Variants in PIGU observed in about 807,000 individuals in gnomAD.
PIGU encodes phosphatidylinositol glycan anchor biosynthesis class U.
PIGU carries 24 observed loss-of-function variants against 49.9 expected under a neutral mutation model. The ratio of observed to expected loss-of-function variants is 0.48; its 90% CI spans 0.35 to 0.68. The LOEUF is 0.68. Ranked by LOEUF, PIGU falls within the 30% of genes least tolerant of loss-of-function variation. PIGU has a pLI of 0.01. For missense variants in PIGU, 490 were observed against 532.6 expected (o/e 0.92, Z 0.79); for synonymous variants, 220 against 205.7 (o/e 1.07, Z -0.59).
intron 9 of PIGU, 58 bp downstream of exon 9, chr20:34,585,379 A>G: frequency 2.6e-6 from 4 of 1,561,090 alleles, no homozygotes; most frequent in Non-Finnish European, 3.5e-6. Flanking sequence ...AGGCTACTAG[A>G]GGCAGGGGCT....
intron 11 of PIGU, among the ~76,000 whole-genome samples, chr20:34,571,325 A>G (rs973696065): frequency 6.6e-6 from 1 of 152,154 alleles, no homozygotes; most frequent in Non-Finnish European, 1.5e-5. Flanking sequence ...TCACTGGTTT[A>G]CCTGCCGGTA....
chr20:34,573,043 C>A (rs2146697417), intron 11 of PIGU, among the ~76,000 whole-genome samples: 1 of 152,094 alleles, frequency 6.6e-6, no homozygotes, highest in East Asian at 1.9e-4. Context: ...TAGAGATGGG[C>A]TTTTGCTATG....
chr20:34,575,612 C>A (rs1197349243), intron 10 of PIGU, among the ~76,000 whole-genome samples: 1 of 152,150 alleles, frequency 6.6e-6, no homozygotes, highest in South Asian at 2.1e-4. Flanking sequence ...TCTCCCCAAG[C>A]AGGGTGCCAT....
At chr20:34,642,403 AG>A (rs1357048765) in intron 4 of PIGU, among the ~76,000 whole-genome samples, 1 of 152,010 alleles carries the variant, frequency 6.6e-6, no homozygotes, top group Non-Finnish European at 1.5e-5. Context: ...TTGTAGAGAC[AG>A]GGTCCCACTA....
intron 7 of PIGU, among the ~76,000 whole-genome samples, chr20:34,605,021 C>A (rs1386582383): frequency 3.3e-5 from 5 of 152,148 alleles, no homozygotes; most frequent in African/African-American, 1.2e-4. Context: ...TAAGCCTCGC[C>A]TGGTCTCCCT....
chr20:34,574,221 G>C (rs1462102015), intron 11 of PIGU, among the ~76,000 whole-genome samples: 4 of 152,204 alleles, frequency 2.6e-5, no homozygotes. Flanking sequence ...AGTCCACCTA[G>C]AGTTTGCTAG....
At chr20:34,561,995 G>C (rs890980244) in intron 11 of PIGU, among the ~76,000 whole-genome samples, 2 of 152,180 alleles carry the variant, frequency 1.3e-5, no homozygotes, top group African/African-American at 4.8e-5. Context: ...TCTTCGAATG[G>C]TTCTGTCACT....
In PIGU at chr20:34,645,219, T is replaced by C. The variant is rs1986300755; in HGVS notation, c.255+56A>G. The C allele has an allele frequency of 3.4e-6, 4 of 1,172,006 alleles. No homozygotes were observed. The South Asian group carries it at 6.5e-5, about 19-fold the overall frequency. 72.6% of individuals were successfully genotyped at this position (1,172,006 alleles called of 1,614,324 possible). A position where few individuals can be genotyped will look rare whatever the true frequency, so the allele number is the denominator to read the frequency against. On this transcript the variant is annotated intron_variant, in intron 3 of 11. Transcript: ENST00000217446. Reference sequence around the variant, plus strand: ...AAAAAAAAAAGAGAGAGAGAGACAATAAACCATAAAATTTAAAAATATATA... The same window carrying C: ...AAAAAAAAAAGAGAGAGAGAGACAACAAACCATAAAATTTAAAAATATATA...
At position 34,588,498 on chromosome 20, in the gene PIGU, A is replaced by G. The variant is rs112697251; in HGVS notation, c.737T>C (p.Phe246Ser). The change falls in exon 8 of 12, where the codon TTC (phenylalanine) becomes TCC (serine). Residue 246 changes from phenylalanine (F) to serine (S), a missense_variant. Physicochemically the swap from Phe to Ser is radical, Grantham distance 155. Coordinates refer to ENST00000217446, the MANE Select transcript of PIGU (RefSeq NM_080476.5). The stretch of plus-strand genomic sequence containing the variant: ...GATGAAATCCCAAGAGCTGAGAAGG[A>G]AGAAGGAGAGGCAAATGATTACCAC... ...SLVVIICLSFFLLSSWDFIPA... is the reference protein window; with the variant it reads ...SLVVIICLSFSLLSSWDFIPA... 24 of 1,613,918 alleles carry G rather than the reference A, an allele frequency of 1.5e-5. No individual in the cohort carries two copies. The African/African-American group carries it at 3.2e-4, about 22-fold the overall frequency.
intron 4 of PIGU, among the ~76,000 whole-genome samples, chr20:34,642,818 C>T (rs1174071904): frequency 3.6e-5 from 5 of 137,270 alleles, no homozygotes; most frequent in Admixed American, 1.6e-4. Flanking sequence ...AGTACAGTGG[C>T]GCGATCTTGG....
At chr20:34,586,860 T>C (rs1983715997) in intron 8 of PIGU, among the ~76,000 whole-genome samples, 2 of 152,160 alleles carry the variant, frequency 1.3e-5, no homozygotes, top group African/African-American at 2.4e-5. Context: ...AACCTCCCAG[T>C]TAGAGGCTGG....
intron 1 of PIGU, among the ~76,000 whole-genome samples, chr20:34,674,018 A>G (rs1043797540): frequency 6.6e-6 from 1 of 151,558 alleles, no homozygotes; most frequent in Non-Finnish European, 1.5e-5. Context: ...ATGCCACTAC[A>G]CTCCAGCCTG....
chr20:34,599,886 C>G (rs2146725143), intron 7 of PIGU, among the ~76,000 whole-genome samples: 1 of 152,194 alleles, frequency 6.6e-6, no homozygotes, highest in South Asian at 2.1e-4. Flanking sequence ...TGTACTGTCC[C>G]CTAGCCATAT....
chr20:34,607,596 G>A (rs1984664849), intron 7 of PIGU, among the ~76,000 whole-genome samples: 1 of 152,184 alleles, frequency 6.6e-6, no homozygotes. Flanking sequence ...CAATTCATTT[G>A]TGCAACCTGA....
At chr20:34,631,760 TA>T (rs1985758218) in intron 6 of PIGU, among the ~76,000 whole-genome samples, 2 of 5,970 alleles carry the variant, frequency 3.4e-4, no homozygotes, top group Non-Finnish European at 6.5e-4. Context: ...TATATATATA[TA>T]TATATATATA....
intron 1 of PIGU, among the ~76,000 whole-genome samples, chr20:34,660,085 TAAATAAATAATA>T (rs1568663840): frequency 5.2e-5 from 2 of 38,286 alleles, no homozygotes; most frequent in African/African-American, 7.4e-5. Flanking sequence ...CTTTAAAAAA[TAAATAAATAATA>T]AATAAATAAG....
chr20:34,642,342 T>C (rs1986189514), intron 4 of PIGU, among the ~76,000 whole-genome samples: 1 of 152,116 alleles, frequency 6.6e-6, no homozygotes. Flanking sequence ...CCAGAGTAGC[T>C]GGGCCTACAG....
intron 7 of PIGU, among the ~76,000 whole-genome samples, chr20:34,599,268 C>G (rs1984318980): frequency 1.3e-5 from 2 of 152,068 alleles, no homozygotes; most frequent in Admixed American, 1.3e-4. Flanking sequence ...GCCTGGGCAA[C>G]ATGGCAAAAC....
chr20:34,628,500 T>C (rs1985580418), intron 6 of PIGU, among the ~76,000 whole-genome samples: 1 of 152,188 alleles, frequency 6.6e-6, no homozygotes. Context: ...TATTTAATGA[T>C]ACATACATTG....
Sources: gnomAD v4.1 joint callset for allele counts (sites outside exome capture counted in the v4.1 genomes callset) on GRCh38, gnomAD v4.1.1 for gene constraint, MANE v1.5 for transcripts, NCBI Gene and HGNC (gene_info 2026-07-23, HGNC 2026-07-21) for gene names.